KLHDC1: variants seen among roughly 807,000 people sequenced by gnomAD.
KLHDC1 encodes kelch domain containing 1.
A neutral mutation model predicts 68.3 loss-of-function variants in KLHDC1; 53 were observed. That is an observed-to-expected ratio of 0.78 (90% CI 0.62 to 0.98). The LOEUF is 0.98. Among genes scored for constraint, KLHDC1 ranks in the 50% least tolerant of loss-of-function variants. The probability of loss-of-function intolerance (pLI) is 0.00; values close to 1 mark genes in which losing one functional copy is unlikely to be tolerated. For synonymous variants in KLHDC1, 148 were observed against 159.0 expected (o/e 0.93, Z 0.52); for missense variants, 470 against 492.3 (o/e 0.95, Z 0.43).
intron 1 of KLHDC1, among the ~76,000 whole-genome samples, 179 bp downstream of exon 1, chr14:49,693,469 G>A (rs1408162420): frequency 6.6e-6 from 1 of 151,760 alleles, no homozygotes; most frequent in Non-Finnish European, 1.5e-5. Context: ...GCTTGACGTC[G>A]TCCCGCCGTT....
rs536489025 is a variant in KLHDC1, at chr14:49,709,668, T to G, written c.168-41T>G. On this transcript the variant is annotated intron_variant, in intron 2 of 12. Coordinates refer to ENST00000359332, the MANE Select transcript of KLHDC1 (RefSeq NM_172193.3). The stretch of plus-strand genomic sequence containing the variant: ...AGTTTAAAGAGAATTTTAATTTGCC[T>G]TTCTGGAAAGTTATGGGATTCCATG... 1.4e-5 allele frequency: 16 copies of G among 1,181,906 alleles called. No individual in the cohort carries two copies. In the South Asian group the frequency reaches 2.2e-4, roughly 16 times the overall value. 73.2% of individuals were successfully genotyped at this position (1,181,906 alleles called of 1,614,324 possible).
chr14:49,709,628 C>A, intron 2 of KLHDC1, 81 bp from the exon 3 acceptor site: 1 of 677,150 alleles, frequency 1.5e-6, no homozygotes, highest in Non-Finnish European at 2.5e-6. Context: ...TTTTCACTGA[C>A]AAAAGTACTC....
At chr14:49,698,366 A>G (rs1274429652) in intron 1 of KLHDC1, among the ~76,000 whole-genome samples, 1 of 147,358 alleles carries the variant, frequency 6.8e-6, no homozygotes. Flanking sequence ...ACCACGCCCA[A>G]CTACTTTTTG....
At chr14:49,729,753 G>A (rs1888757545) in intron 8 of KLHDC1, among the ~76,000 whole-genome samples, 1 of 152,166 alleles carries the variant, frequency 6.6e-6, no homozygotes, top group African/African-American at 2.4e-5. Context: ...GTTGAAATTA[G>A]ATTATATAAA....
At chr14:49,729,834 G>A (rs562592704) in intron 8 of KLHDC1, among the ~76,000 whole-genome samples, 27 of 152,180 alleles carry the variant, frequency 1.8e-4, no homozygotes, top group Non-Finnish European at 3.4e-4. Context: ...GTTGAATGGG[G>A]TCATCTCAGG....
chr14:49,711,455 G>C (rs1453267937), intron 4 of KLHDC1, among the ~76,000 whole-genome samples: 1 of 151,928 alleles, frequency 6.6e-6, no homozygotes. Flanking sequence ...CGCCCGCCTC[G>C]GCCTCCCAAA....
rs953009731 is a variant in KLHDC1 at position 49,724,080 on chromosome 14, T to G, written c.483+128T>G. ...GTCGTAATTGACGCTATGAAAAAAA[T>G]GTGTTTTCTCTCTTTAACATTTGGA... On this transcript the variant is annotated intron_variant, in intron 5 of 12. Transcript: ENST00000359332. 3 of 597,394 alleles carry G rather than the reference T, an allele frequency of 5.0e-6. No homozygotes were observed. The African/African-American group carries it at 5.7e-5, about 11-fold the overall frequency. The allele number at this position is 597,394 out of a possible 1,614,324, so 37.0% of individuals were successfully genotyped here.
intron 1 of KLHDC1, among the ~76,000 whole-genome samples, chr14:49,699,519 G>A (rs527833762): frequency 3.9e-5 from 6 of 152,124 alleles, no homozygotes; most frequent in African/African-American, 1.2e-4. Context: ...ATAGTTAAAA[G>A]GCCCTGGGAT....
intron 5 of KLHDC1, 29 bp from the exon 6 acceptor site, chr14:49,725,654 GCTT>G: frequency 1.1e-6 from 1 of 877,652 alleles, no homozygotes. Flanking sequence ...AATTATTAAA[GCTT>G]TGAGATATTT....
At chr14:49,746,876 TC>T (rs1449091589) in intron 12 of KLHDC1, among the ~76,000 whole-genome samples, 1 of 151,746 alleles carries the variant, frequency 6.6e-6, no homozygotes, top group African/African-American at 2.4e-5. Flanking sequence ...ATTCTTACAC[TC>T]CCTTACTCCT....
chr14:49,707,297 T>TGTGTGA (rs926974146), intron 1 of KLHDC1, among the ~76,000 whole-genome samples: 11 of 120,856 alleles, frequency 9.1e-5, no homozygotes, highest in South Asian at 2.9e-4. Flanking sequence ...TGTGTGTGTG[T>TGTGTGA]GAGAGAGAGA....
intron 4 of KLHDC1, among the ~76,000 whole-genome samples, chr14:49,723,668 G>A (rs933751017): frequency 6.6e-6 from 1 of 152,194 alleles, no homozygotes; most frequent in Admixed American, 6.5e-5. Context: ...AGGGATGAAA[G>A]CAGCTATGGG....
At position 49,729,007 on chromosome 14, in the gene KLHDC1, C is replaced by T. The variant is rs368449874; in HGVS notation, c.649C>T (p.Leu217=). The T allele has an allele frequency of 1.2e-6, 2 of 1,605,908 alleles. No individual in the cohort carries two copies. The highest frequency in any genetic ancestry group is 1.7e-4 in the Middle Eastern group (1 of 6,046). The change falls in exon 7 of 13, where the codon CTG becomes TTG. Residue 217 remains leucine (L), a splice_region_variant and synonymous_variant. Coordinates refer to ENST00000359332, the MANE Select transcript of KLHDC1 (RefSeq NM_172193.3). ...GGGTTATATCTTTGGCGGACGTGTT[C>T]TGGTTAGTGTTTTTAATGGAAATGG... ...NKGYIFGGRV[L]QTRMNDLHYL... is the part of the protein sequence containing the mutation.
intron 4 of KLHDC1, among the ~76,000 whole-genome samples, chr14:49,718,980 T>C (rs577106888): frequency 4.9e-4 from 74 of 152,018 alleles, no homozygotes; most frequent in African/African-American, 1.7e-3. Flanking sequence ...GGTTTCACCA[T>C]GTTGGCCAAA....
intron 10 of KLHDC1, among the ~76,000 whole-genome samples, chr14:49,735,608 AT>A (rs774841089): frequency 7.3e-4 from 108 of 147,942 alleles, no homozygotes; most frequent in Middle Eastern, 3.5e-3. Flanking sequence ...CTCTTTTGAA[AT>A]TTTTTTTTTT....
At chr14:49,724,949 C>T (rs1888628040) in intron 5 of KLHDC1, among the ~76,000 whole-genome samples, 1 of 151,370 alleles carries the variant, frequency 6.6e-6, no homozygotes. Context: ...TGAGACCAGC[C>T]TGGGTAACAT....
chr14:49,719,556 G>A (rs1888473411), intron 4 of KLHDC1, among the ~76,000 whole-genome samples: 1 of 151,750 alleles, frequency 6.6e-6, no homozygotes, highest in Non-Finnish European at 1.5e-5. Context: ...AGCCTCCTGA[G>A]TAGCTGGGAC....
Position 49,693,748 on chromosome 14 carries a change from C to CTTTTTTTTTTTTTTTTTTTTTT in KLHDC1, c.96+474_96+475insTTTTTTTTTTTTTTTTTTTTTT. ...TAAATATTTATTTTCTTTTCTTTTT[C>CTTTTTTTTTTTTTTTTTTTTTT]TTTTTTTTTTTTTTTTGAGATGGAG... On this transcript the variant is annotated intron_variant, in intron 1 of 12. Coordinates refer to ENST00000359332, the MANE Select transcript of KLHDC1 (RefSeq NM_172193.3). Among the ~76,000 whole-genome samples the CTTTTTTTTTTTTTTTTTTTTTT allele has an allele frequency of 2.1e-3, 132 of 61,550 alleles. 39 individuals are homozygous for CTTTTTTTTTTTTTTTTTTTTTT. The highest frequency in any genetic ancestry group is 3.1e-3 in the Non-Finnish European group (93 of 29,614). 40.4% of individuals were successfully genotyped at this position (61,550 alleles called of 152,430 possible).
chr14:49,710,699 C>T (rs6572598), intron 4 of KLHDC1, among the ~76,000 whole-genome samples: 137,399 of 152,182 alleles, frequency 0.9, 63,645 homozygotes, highest in Non-Finnish European at 1. Flanking sequence ...GTAGCCTCTT[C>T]ATCCCTCTCT....
Sources: allele counts gnomAD v4.1 joint callset (sites outside exome capture counted in the v4.1 genomes callset), GRCh38; gene constraint gnomAD v4.1.1; transcripts MANE v1.5; gene names NCBI Gene and HGNC (gene_info 2026-07-23, HGNC 2026-07-21).